Variants in MEGF11 observed in about 807,000 individuals in gnomAD.
The protein encoded by MEGF11 is multiple EGF like domains 11, also known as multiple epidermal growth factor-like domains protein 11.
A neutral mutation model predicts 146.6 loss-of-function variants in MEGF11; 126 were observed. The observed-to-expected ratio is 0.86, with a 90% CI of 0.74 to 1.00. MEGF11 has a LOEUF of 1.00. Ranked by LOEUF, MEGF11 falls within the 50% of genes least tolerant of loss-of-function variation. MEGF11 has a pLI of 0.00. For synonymous variants in MEGF11, 532 were observed against 583.4 expected, an observed-to-expected ratio of 0.91 and a Z score of 1.27; for missense variants, 1,509 against 1,521.2, an observed-to-expected ratio of 0.99 and a Z score of 0.13.
intron 1 of MEGF11, among the ~76,000 whole-genome samples, chr15:66,141,379 G>A (rs1353230860): frequency 1.3e-5 from 2 of 151,692 alleles, no homozygotes; most frequent in Non-Finnish European, 2.9e-5. Context: ...CGGAGGGGAG[G>A]ATGTTAATGC....
intron 1 of MEGF11, among the ~76,000 whole-genome samples, chr15:66,198,284 T>C (rs1015577370): frequency 2.6e-5 from 4 of 152,156 alleles, no homozygotes; most frequent in African/African-American, 9.7e-5. Flanking sequence ...AAAGGGACCC[T>C]GGGTTGGAAA....
intron 5 of MEGF11, among the ~76,000 whole-genome samples, chr15:66,090,605 T>C (rs952513065): frequency 6.6e-6 from 1 of 152,258 alleles, no homozygotes; most frequent in Non-Finnish European, 1.5e-5. Context: ...ACATGCTTTC[T>C]AAACTCTGAA....
intron 8 of MEGF11, 57 bp from the exon 9 acceptor site, chr15:65,965,177 C>G: frequency 7.1e-7 from 1 of 1,415,598 alleles, no homozygotes; most frequent in South Asian, 1.4e-5. Context: ...ACCTGTGCTT[C>G]AAGATCCTCC....
chr15:65,923,375 A>AG (rs1479497049), intron 13 of MEGF11, among the ~76,000 whole-genome samples: 1 of 152,198 alleles, frequency 6.6e-6, no homozygotes, highest in East Asian at 1.9e-4. Flanking sequence ...CAGGACCGGG[A>AG]GGAACCAACT....
intron 5 of MEGF11, among the ~76,000 whole-genome samples, chr15:66,022,235 T>C (rs1395018865): frequency 6.6e-6 from 1 of 152,214 alleles, no homozygotes; most frequent in Non-Finnish European, 1.5e-5. Flanking sequence ...CTGCTGGCGA[T>C]TCCATCAGAT....
At position 66,057,853 on chromosome 15, in the gene MEGF11, C is replaced by A. The variant is rs964238024; in HGVS notation, c.394+36549G>T. Among the ~76,000 whole-genome samples, 5 of 152,248 alleles carry A rather than the reference C, an allele frequency of 3.3e-5. 1 individual carries two copies. The highest frequency in any genetic ancestry group is 3.3e-4 in the Admixed American group (5 of 15,296). On this transcript the variant is annotated intron_variant, in intron 5 of 25. Transcript: ENST00000395614. ...GTAGAATTAATACCTGAACGAAAAC[C>A]CCCTTTCAGCAGGGTCTTCTCAATA... is the stretch of plus-strand genomic sequence containing the variant.
chr15:66,185,412 T>C (rs1225815490), intron 1 of MEGF11, among the ~76,000 whole-genome samples: 1 of 152,242 alleles, frequency 6.6e-6, no homozygotes, highest in African/African-American at 2.4e-5. Flanking sequence ...TTTTCTTTTT[T>C]TTCTTTCCAC....
intron 3 of MEGF11, 120 bp downstream of exon 3, chr15:66,123,779 T>C (rs1597106127): frequency 1.3e-6 from 1 of 746,648 alleles, no homozygotes; most frequent in Non-Finnish European, 2.3e-6. Flanking sequence ...GCATCTTGGG[T>C]GTTCAGAGTG....
intron 5 of MEGF11, among the ~76,000 whole-genome samples, chr15:66,067,840 C>T (rs1262428531): frequency 6.6e-6 from 1 of 152,204 alleles, no homozygotes; most frequent in Non-Finnish European, 1.5e-5. Context: ...AAATGGTTTG[C>T]ATGATAAAGA....
chr15:65,935,660 G>A (rs1284854971), intron 10 of MEGF11, among the ~76,000 whole-genome samples: 1 of 152,158 alleles, frequency 6.6e-6, no homozygotes, highest in Non-Finnish European at 1.5e-5. Flanking sequence ...AAGTCCAAAT[G>A]GGGAATCAGA....
At chr15:65,925,882 T>C (rs1441391833) in intron 13 of MEGF11, among the ~76,000 whole-genome samples, 2 of 152,148 alleles carry the variant, frequency 1.3e-5, no homozygotes, top group Non-Finnish European at 2.9e-5. Flanking sequence ...AAGCATCTCT[T>C]TGATAATCAG....
At chr15:65,955,800 A>ACACACACC (rs1567175176) in intron 10 of MEGF11, among the ~76,000 whole-genome samples, 1 of 56,036 alleles carries the variant, frequency 1.8e-5, no homozygotes, top group Non-Finnish European at 3.7e-5. Context: ...ATATACACAC[A>ACACACACC]CACACACACA....
intron 5 of MEGF11, among the ~76,000 whole-genome samples, chr15:65,999,479 C>T (rs1019903693): frequency 6.6e-6 from 1 of 152,160 alleles, no homozygotes; most frequent in Admixed American, 6.5e-5. Flanking sequence ...CTCATGTGCC[C>T]ACTGCTTTTT....
At chr15:66,241,655 C>T (rs1324958921) in intron 1 of MEGF11, among the ~76,000 whole-genome samples, 1 of 152,148 alleles carries the variant, frequency 6.6e-6, no homozygotes, top group Non-Finnish European at 1.5e-5. Flanking sequence ...GACCCAGGTC[C>T]AGGGCTCCTG....
intron 5 of MEGF11, among the ~76,000 whole-genome samples, chr15:66,002,790 A>G (rs1247833156): frequency 6.6e-6 from 1 of 152,138 alleles, no homozygotes; most frequent in Non-Finnish European, 1.5e-5. Context: ...TAGGTGACTC[A>G]GAGAGGTTGA....
At chr15:66,068,276 C>G (rs1350684374) in intron 5 of MEGF11, among the ~76,000 whole-genome samples, 2 of 152,126 alleles carry the variant, frequency 1.3e-5, no homozygotes, top group Non-Finnish European at 2.9e-5. Context: ...GAATTTGGAG[C>G]TGGATATAGA....
At chr15:66,222,723 A>G (rs1327923905) in intron 1 of MEGF11, among the ~76,000 whole-genome samples, 1 of 152,240 alleles carries the variant, frequency 6.6e-6, no homozygotes, top group Non-Finnish European at 1.5e-5. Flanking sequence ...AGTGACCAAT[A>G]TGCACATGAA....
At chr15:65,917,078 G>T in intron 16 of MEGF11, 122 bp from the exon 17 acceptor site, 1 of 1,029,890 alleles carries the variant, frequency 9.7e-7, no homozygotes, top group Non-Finnish European at 1.4e-6. Context: ...GACATTTCCT[G>T]GCTTTCAGGG....
intron 10 of MEGF11, among the ~76,000 whole-genome samples, chr15:65,938,053 G>A (rs1007830209): frequency 5.3e-5 from 8 of 152,228 alleles, no homozygotes; most frequent in Non-Finnish European, 7.3e-5. Flanking sequence ...GGCCAAAGAC[G>A]GGGAGCCCTC....
Sources: gnomAD v4.1 joint callset for allele counts (sites outside exome capture counted in the v4.1 genomes callset) on GRCh38, gnomAD v4.1.1 for gene constraint, MANE v1.5 for transcripts, NCBI Gene and HGNC (gene_info 2026-07-23, HGNC 2026-07-21) for gene names.